Variants in SETD2 observed in about 807,000 individuals in gnomAD.
The protein encoded by SETD2 is SET domain containing 2, histone lysine methyltransferase, also known as histone-lysine N-methyltransferase SETD2.
A neutral mutation model predicts 242.1 loss-of-function variants in SETD2; 31 were observed. The ratio of observed to expected loss-of-function variants is 0.13; its 90% CI spans 0.10 to 0.17. The LOEUF is 0.17. Ranked by LOEUF, SETD2 falls within the 10% of genes least tolerant of loss-of-function variation. The pLI is 1.00. For synonymous variants in SETD2, 1,006 were observed against 1,066.5 expected, an observed-to-expected ratio of 0.94 and a Z score of 1.11; for missense variants, 2,481 against 3,046.3, an observed-to-expected ratio of 0.81 and a Z score of 4.37.
intron 12 of SETD2, among the ~76,000 whole-genome samples, chr3:47,067,394 C>G (rs940467224): frequency 1.3e-5 from 2 of 148,728 alleles, no homozygotes; most frequent in Non-Finnish European, 3.0e-5. Context: ...CAAGGATACG[C>G]TTCCTGAGCA....
At chr3:47,055,210 C>G (rs968750133) in intron 15 of SETD2, among the ~76,000 whole-genome samples, 2 of 152,124 alleles carry the variant, frequency 1.3e-5, no homozygotes, top group African/African-American at 4.8e-5. Context: ...GCCATTTTAA[C>G]AAATGTTTTA....
intron 1 of SETD2, among the ~76,000 whole-genome samples, chr3:47,136,838 C>T (rs2043599020): frequency 6.6e-6 from 1 of 152,114 alleles, no homozygotes; most frequent in African/African-American, 2.4e-5. Context: ...CCTGTAATCC[C>T]ACCTACTTGG....
intron 8 of SETD2, 54 bp downstream of exon 8, chr3:47,101,404 T>C: frequency 1.1e-6 from 1 of 910,522 alleles, no homozygotes; most frequent in Non-Finnish European, 1.7e-6. Context: ...TCCTTATATC[T>C]GAACAGCCTA....
At chr3:47,135,162 G>A (rs1309687942) in intron 1 of SETD2, among the ~76,000 whole-genome samples, 1 of 152,208 alleles carries the variant, frequency 6.6e-6, no homozygotes, top group African/African-American at 2.4e-5. Context: ...TAATTGCCAT[G>A]AGTAGAAAAG....
chr3:47,153,993 G>A (rs2044063826), intron 1 of SETD2, among the ~76,000 whole-genome samples: 6 of 152,110 alleles, frequency 3.9e-5, no homozygotes, highest in African/African-American at 7.2e-5. Context: ...CACCTTCCAC[G>A]TAGCACAATA....
Position 47,017,564 on chromosome 3 carries a change from G to T in SETD2, c.7533+74C>A. On this transcript the variant is annotated intron_variant, in intron 20 of 20. Coordinates refer to ENST00000409792, the MANE Select transcript of SETD2 (RefSeq NM_014159.7). The surrounding 1 kb of genome is among the most constrained non-coding windows in gnomAD (Gnocchi z 4.8). ...GAAAAAAAAAAATACTTTCTATGAT[G>T]AAAAGGGCTTCTTAGAAGGTACACA... 1 of 1,107,586 alleles carries T rather than the reference G, an allele frequency of 9.0e-7. No individual in the cohort carries two copies. Among genetic ancestry groups the T allele is most frequent in the South Asian group, 1.3e-5 (1 of 76,254 alleles). The allele number at this position is 1,107,586 out of a possible 1,614,324, so 68.6% of individuals were successfully genotyped here. A position where few individuals can be genotyped will look rare whatever the true frequency, so the allele number is the denominator to read the frequency against.
At chr3:47,114,231 T>C (rs2042767687) in intron 4 of SETD2, among the ~76,000 whole-genome samples, 1 of 152,208 alleles carries the variant, frequency 6.6e-6, no homozygotes, top group Admixed American at 6.5e-5. Context: ...CAATACAGCC[T>C]TGATATCTGG....
At position 47,122,435 on chromosome 3, in the gene SETD2, T is replaced by G. The variant is rs923377367; in HGVS notation, c.2201A>C (p.Asp734Ala). 1 of 1,614,198 alleles carries G rather than the reference T, an allele frequency of 6.2e-7. No individual in the cohort carries two copies. Among genetic ancestry groups the G allele is most frequent in the Non-Finnish European group, 8.5e-7 (1 of 1,180,018 alleles). Residue 734 changes from aspartate to alanine, a missense_variant, in exon 3 of 21, where the codon GAT (aspartate) becomes GCT (alanine). Physicochemically the swap from Asp to Ala is moderately radical, Grantham distance 126. Coordinates refer to ENST00000409792, the MANE Select transcript of SETD2 (RefSeq NM_014159.7). ...ISRCKEKDLD[D>A]TCMLHKKSES... ...TGACTTCTTATGCAGCATGCAGGTA[T>G]CATCCAAGTCTTTTTCTTTGCACCT...
chr3:47,150,674 T>C (rs887148692), intron 1 of SETD2, among the ~76,000 whole-genome samples: 1 of 152,030 alleles, frequency 6.6e-6, no homozygotes, highest in Admixed American at 6.6e-5. Flanking sequence ...CCTAATCTTA[T>C]AGTTATTTAA....
intron 1 of SETD2, among the ~76,000 whole-genome samples, chr3:47,134,802 T>C (rs1227595579): frequency 2.0e-5 from 3 of 152,110 alleles, no homozygotes; most frequent in African/African-American, 7.2e-5. Context: ...TTTTGTATTT[T>C]TAGTAGAGAC....
intron 10 of SETD2, among the ~76,000 whole-genome samples, 182 bp from the exon 11 acceptor site, chr3:47,086,496 C>T (rs1347125160): frequency 6.6e-6 from 1 of 152,156 alleles, no homozygotes; most frequent in Non-Finnish European, 1.5e-5. Flanking sequence ...ATGCTTTAAA[C>T]AGATTATAAT....
intron 9 of SETD2, among the ~76,000 whole-genome samples, chr3:47,090,034 G>A (rs929966717): frequency 6.6e-6 from 1 of 152,132 alleles, no homozygotes; most frequent in Non-Finnish European, 1.5e-5. Flanking sequence ...GATCACCTGA[G>A]GTCAGGAGTT....
intron 17 of SETD2, among the ~76,000 whole-genome samples, chr3:47,042,124 G>T (rs770744228): frequency 6.6e-6 from 1 of 152,136 alleles, no homozygotes; most frequent in South Asian, 2.1e-4. Context: ...AGGCCAAGGC[G>T]GGCAGGGCAG....
At chr3:47,139,386 C>CT (rs903882346) in intron 1 of SETD2, among the ~76,000 whole-genome samples, 1 of 152,184 alleles carries the variant, frequency 6.6e-6, no homozygotes, top group Non-Finnish European at 1.5e-5. Flanking sequence ...ACAGCATATA[C>CT]TTTACAATCT....
At position 47,123,789 on chromosome 3, in the gene SETD2, C is replaced by T. The variant is rs2106712324; in HGVS notation, c.847G>A (p.Asp283Asn). ...EQADISSKKEDSHIGKDEEIP... is the reference protein window; with the variant it reads ...EQADISSKKENSHIGKDEEIP... ...TCTTCATCCTTCCCAATATGGGAAT[C>T]TTCTTTTTTTGAGGAAATATCTGCT... Residue 283 changes from aspartate to asparagine, a missense_variant, in exon 3 of 21, where the codon GAT (aspartate) becomes AAT (asparagine). Physicochemically the swap from Asp to Asn is conservative, Grantham distance 23. Transcript: ENST00000409792. 1.3e-6 allele frequency: 2 copies of T among 1,547,234 alleles called. No homozygotes were observed. The highest frequency in any genetic ancestry group is 1.7e-6 in the Non-Finnish European group (2 of 1,145,202).
At chr3:47,143,266 C>T (rs1022846894) in intron 1 of SETD2, among the ~76,000 whole-genome samples, 6 of 152,080 alleles carry the variant, frequency 3.9e-5, no homozygotes, top group Non-Finnish European at 5.9e-5. Context: ...TGCATTCCAC[C>T]GTGAGCAACA....
chr3:47,064,544 A>C (rs1031046962), intron 13 of SETD2: 6 of 273,450 alleles, frequency 2.2e-5, no homozygotes, highest in Non-Finnish European at 4.0e-5. Context: ...AAAACAAAAA[A>C]GGAATCATAC....
At chr3:47,145,514 G>A in intron 1 of SETD2, 2 of 435,986 alleles carry the variant, frequency 4.6e-6, no homozygotes, top group South Asian at 1.6e-5. Flanking sequence ...CCTACCTCAG[G>A]CTCCTGAAGG....
At chr3:47,035,633 A>G (rs1284357611) in intron 18 of SETD2, among the ~76,000 whole-genome samples, 1 of 152,202 alleles carries the variant, frequency 6.6e-6, no homozygotes, top group African/African-American at 2.4e-5. Context: ...ATATGCATAT[A>G]CTAGACCAAA....
Sources: gnomAD v4.1 joint callset for allele counts (sites outside exome capture counted in the v4.1 genomes callset) on GRCh38, gnomAD v4.1.1 for gene constraint, Gnocchi (gnomAD v3.1) non-coding constraint, MANE v1.5 for transcripts, NCBI Gene and HGNC (gene_info 2026-07-23, HGNC 2026-07-21) for gene names.